VPS13D: variants seen among roughly 807,000 people sequenced by gnomAD.
VPS13D encodes vacuolar protein sorting 13 homolog D.
VPS13D carries 187 observed loss-of-function variants against 461.9 expected under a neutral mutation model. That is an observed-to-expected ratio of 0.40 (90% CI 0.36 to 0.46). VPS13D has a LOEUF of 0.46. Among genes scored for constraint, VPS13D ranks in the 20% least tolerant of loss-of-function variants. The probability of loss-of-function intolerance (pLI) is 0.60; values close to 1 mark genes in which losing one functional copy is unlikely to be tolerated. For synonymous variants in VPS13D, 1,951 were observed against 1,986.3 expected (o/e 0.98, Z 0.47); for missense variants, 4,711 against 5,364.9 (o/e 0.88, Z 3.81).
intron 67 of VPS13D, among the ~76,000 whole-genome samples, chr1:12,492,587 G>A (rs1288509955): frequency 1.3e-5 from 2 of 152,160 alleles, no homozygotes; most frequent in Non-Finnish European, 2.9e-5. Context: ...CACTTCGAAC[G>A]CAGTTTGGAT....
At chr1:12,322,451 T>C in intron 33 of VPS13D, 85 bp from the exon 34 acceptor site, 1 of 1,356,862 alleles carries the variant, frequency 7.4e-7, no homozygotes, top group Non-Finnish European at 1.0e-6. Flanking sequence ...TTTTAGAAGT[T>C]GAAATAGGAA....
Position 12,400,285 on chromosome 1 carries a change from C to G in VPS13D, c.11739C>G (p.Asn3913Lys). ...AGACCGGCCCAGCTGTGCAAGTCAA[C>G]GCAGTGAAGTTCCCCAGTAAGAGTG... ...VIETGPAVQV[N>K]AVKFPSKSAL... Residue 3913 changes from asparagine (N) to lysine (K), a missense_variant, in exon 61 of 70, where the codon AAC (asparagine) becomes AAG (lysine). Asn to Lys is a moderately conservative substitution (Grantham distance 94). Transcript: ENST00000620676. 1 of 1,614,096 alleles carries G rather than the reference C, an allele frequency of 6.2e-7. No individual in the cohort carries two copies. Among genetic ancestry groups the G allele is most frequent in the Admixed American group, 1.7e-5 (1 of 60,016 alleles).
chr1:12,410,224 G>A (rs1275707247), intron 63 of VPS13D, among the ~76,000 whole-genome samples: 2 of 152,182 alleles, frequency 1.3e-5, no homozygotes, highest in African/African-American at 4.8e-5. Flanking sequence ...GCAGCTAAGA[G>A]GCTGAAGAAC....
At chr1:12,334,202 T>C (rs1643396782) in intron 38 of VPS13D, among the ~76,000 whole-genome samples, 1 of 152,198 alleles carries the variant, frequency 6.6e-6, no homozygotes. Flanking sequence ...ACCCCCCAAA[T>C]TTAAAACCAC....
intron 65 of VPS13D, among the ~76,000 whole-genome samples, chr1:12,453,054 C>T (rs1408518255): frequency 6.6e-6 from 1 of 152,162 alleles, no homozygotes; most frequent in African/African-American, 2.4e-5. Context: ...TCTCTTAGGT[C>T]ATCTCATCCC....
chr1:12,459,539 T>C (rs1234757979), intron 66 of VPS13D, among the ~76,000 whole-genome samples: 1 of 151,106 alleles, frequency 6.6e-6, no homozygotes, highest in Admixed American at 6.6e-5. Flanking sequence ...AGTGCAATGC[T>C]GCGATCTCGG....
intron 1 of VPS13D, among the ~76,000 whole-genome samples, chr1:12,233,330 A>G (rs568850128): frequency 6.6e-6 from 1 of 152,234 alleles, no homozygotes; most frequent in East Asian, 1.9e-4. Context: ...CATTCAGACA[A>G]TCTCTTACGG....
intron 57 of VPS13D, among the ~76,000 whole-genome samples, chr1:12,382,008 T>TCTTC (rs529283157): frequency 0.045 from 6,538 of 145,040 alleles, 272 homozygotes; most frequent in Admixed American, 0.11. Context: ...TTCCTTCCTT[T>TCTTC]CTTCCTTCCT....
Position 12,345,484 on chromosome 1 carries a change from C to T in VPS13D, c.8996C>T (p.Pro2999Leu). Residue 2999 changes from proline to leucine, a missense_variant, in exon 43 of 70, where the codon CCA becomes CTA. Around this residue, in one of 3 missense-constraint regions of VPS13D, gnomAD observed 4,411 missense variants for 4,937.8 expected, o/e 0.89. Coordinates refer to ENST00000620676, the MANE Select transcript of VPS13D (RefSeq NM_015378.4). ...KVGTFFRYAA[P>L]DKNSSSSTIG... is the part of the protein sequence containing the mutation. ...GGGACCTTTTTTCGATATGCAGCACCAGATAAAAATTCATCTTCCTCTACG... is the reference window on the plus strand; with the variant it reads ...GGGACCTTTTTTCGATATGCAGCACTAGATAAAAATTCATCTTCCTCTACG... 1.9e-6 allele frequency: 3 copies of T among 1,613,236 alleles called. No individual in the cohort carries two copies. Among genetic ancestry groups the T allele is most frequent in the Non-Finnish European group, 2.5e-6 (3 of 1,179,338 alleles).
At chr1:12,338,735 C>T (rs1230040939) in intron 40 of VPS13D, among the ~76,000 whole-genome samples, 2 of 151,840 alleles carry the variant, frequency 1.3e-5, no homozygotes, top group Non-Finnish European at 2.9e-5. Context: ...ATAGGGATAG[C>T]GGAAAAAAAA....
At chr1:12,319,347 C>T in intron 31 of VPS13D, 150 bp from the exon 32 acceptor site, 2 of 1,086,826 alleles carry the variant, frequency 1.8e-6, no homozygotes, top group Admixed American at 2.0e-5. Flanking sequence ...CAGGATGACA[C>T]TGTTAGTAAA....
chr1:12,312,616 T>A (rs1330648499), intron 29 of VPS13D, among the ~76,000 whole-genome samples: 1 of 152,102 alleles, frequency 6.6e-6, no homozygotes, highest in Non-Finnish European at 1.5e-5. Context: ...AAAAACTAGC[T>A]GCGCATGGTG....
At chr1:12,508,747 C>A (rs1463557472) in intron 69 of VPS13D, 146 bp from the exon 70 acceptor site, 1 of 820,148 alleles carries the variant, frequency 1.2e-6, no homozygotes, top group South Asian at 2.7e-5. Flanking sequence ...GCGAGTGAAG[C>A]AGGAGCAGCC....
At chr1:12,489,253 T>C (rs1222666220) in intron 67 of VPS13D, among the ~76,000 whole-genome samples, 1 of 152,196 alleles carries the variant, frequency 6.6e-6, no homozygotes, top group Non-Finnish European at 1.5e-5. Flanking sequence ...TCCTACCAGC[T>C]GTCACAGTTG....
intron 67 of VPS13D, among the ~76,000 whole-genome samples, chr1:12,494,743 A>G (rs1359710448): frequency 1.3e-5 from 2 of 152,128 alleles, no homozygotes; most frequent in East Asian, 3.8e-4. Flanking sequence ...CTGTGTTTTG[A>G]TCAGTGGGGC....
At chr1:12,371,046 T>C (rs1389823105) in intron 54 of VPS13D, among the ~76,000 whole-genome samples, 1 of 152,220 alleles carries the variant, frequency 6.6e-6, no homozygotes, top group East Asian at 1.9e-4. Context: ...ATAGTTTTTT[T>C]TTAATTTTGT....
At chr1:12,381,515 A>G (rs886187444) in intron 57 of VPS13D, among the ~76,000 whole-genome samples, 3 of 152,204 alleles carry the variant, frequency 2.0e-5, no homozygotes, top group Non-Finnish European at 2.9e-5. Flanking sequence ...AGGACTCCGT[A>G]CTTCTATAAT....
At chr1:12,349,697 T>A (rs1197587454) in intron 46 of VPS13D, among the ~76,000 whole-genome samples, 2 of 152,186 alleles carry the variant, frequency 1.3e-5, no homozygotes, top group Non-Finnish European at 2.9e-5. Context: ...AATAACGAGT[T>A]CTCATTCCAA....
intron 68 of VPS13D, among the ~76,000 whole-genome samples, chr1:12,503,018 C>T (rs1490392237): frequency 6.6e-6 from 1 of 152,158 alleles, no homozygotes; most frequent in Non-Finnish European, 1.5e-5. Context: ...TGGCTGGCTC[C>T]CCTGGCGAGG....
Sources: allele counts gnomAD v4.1 joint callset (sites outside exome capture counted in the v4.1 genomes callset), GRCh38; gene constraint gnomAD v4.1.1; regional missense constraint gnomAD v4.1.1; transcripts MANE v1.5; gene names NCBI Gene and HGNC (gene_info 2026-07-23, HGNC 2026-07-21).